The following MYH14 variants were observed in gnomAD, a reference collection of about 807,000 sequenced individuals.
The protein encoded by MYH14 is myosin heavy chain 14.
In MYH14, 123 loss-of-function variants were observed where a neutral mutation model predicts 255.5. The ratio of observed to expected loss-of-function variants is 0.48; its 90% CI spans 0.42 to 0.56. The LOEUF is 0.56. Ranked by LOEUF, MYH14 falls within the 20% of genes least tolerant of loss-of-function variation. MYH14 has a pLI of 0.00. For synonymous variants in MYH14, 1,095 were observed against 1,161.2 expected (o/e 0.94, Z 1.16); for missense variants, 2,423 against 2,802.3 (o/e 0.86, Z 3.06).
Position 50,210,757 on chromosome 19 carries a change from C to G in MYH14, c.392C>G (p.Ser131Cys). 3.2e-6 allele frequency: 5 copies of G among 1,574,536 alleles called. No homozygotes were observed. The highest frequency in any genetic ancestry group is 1.2e-5 in the South Asian group (1 of 85,562). ...VLHNLRERYYSGLIYTYSGLF... is the reference protein window; with the variant it reads ...VLHNLRERYYCGLIYTYSGLF... ...CACAACCTCCGGGAGCGGTACTACT[C>G]CGGCCTCATCTACGTGAGTGGGCTC... The change falls in exon 2 of 43, where the codon TCC becomes TGC. Residue 131 changes from serine to cysteine, a missense_variant. Physicochemically the swap from Ser to Cys is moderately radical, Grantham distance 112. Transcript: ENST00000642316.
Position 50,273,136 on chromosome 19 carries a change from C to CG in MYH14, c.3467+405_3467+406insG, listed in dbSNP as rs991644445. 3.5e-4 allele frequency among the ~76,000 whole-genome samples: 53 copies of CG among 151,926 alleles called. 1 individual carries two copies. The highest frequency in any genetic ancestry group is 1.8e-3 in the Admixed American group (27 of 15,266). ...CAAAACCCTGTCTCTACTAAAAATACAAAAGTTAGCTGGGTGTGGTGGCGG... is the reference window on the plus strand; with the variant it reads ...CAAAACCCTGTCTCTACTAAAAATACGAAAAGTTAGCTGGGTGTGGTGGCGG... On this transcript the variant is annotated intron_variant, in intron 27 of 42. Coordinates refer to ENST00000642316, the MANE Select transcript of MYH14 (RefSeq NM_001145809.2).
intron 3 of MYH14, among the ~76,000 whole-genome samples, chr19:50,220,368 T>C (rs374013991): frequency 1.1e-4 from 5 of 45,176 alleles, no homozygotes; most frequent in Non-Finnish European, 3.8e-4. Flanking sequence ...TATTATACTT[T>C]ATTTTTATTA....
At chr19:50,203,977 C>T (rs16987402) in intron 1 of MYH14, among the ~76,000 whole-genome samples, 15,800 of 152,124 alleles carry the variant, frequency 0.1, 865 homozygotes, top group Non-Finnish European at 0.12. Flanking sequence ...GAACCTCGGC[C>T]GCTTTAATAC....
Position 50,272,693 on chromosome 19 carries a change from G to A in MYH14, c.3429G>A (p.Leu1143=). The A allele has an allele frequency of 6.4e-7, 1 of 1,552,252 alleles. No individual in the cohort carries two copies. ...QQRAEELRAQ[L]GRKEEELQAA... is the part of the protein sequence containing the mutation. ...GGGCAGAGGAGCTGCGGGCCCAGCT[G>A]GGCCGGAAGGAGGAGGAGCTGCAGG... Residue 1143 remains leucine (L), a synonymous_variant, in exon 27 of 43, where the codon CTG becomes CTA. Coordinates refer to ENST00000642316, the MANE Select transcript of MYH14 (RefSeq NM_001145809.2).
In MYH14 at chr19:50,291,519, G is replaced by A. The variant is rs574784150; in HGVS notation, c.5127+471G>A. Among the ~76,000 whole-genome samples the A allele has an allele frequency of 1.2e-3, 188 of 152,150 alleles. 2 individuals carry two copies. The highest frequency in any genetic ancestry group is 4.4e-3 in the African/African-American group (183 of 41,522). On this transcript the variant is annotated intron_variant, in intron 36 of 42. Transcript: ENST00000642316. ...TGGCCAGGCTGGTCTCGATCTCTTG[G>A]CCTCAAGTGATCCACCCGCCCCCAT... is the stretch of plus-strand genomic sequence containing the variant.
chr19:50,304,372 T>C (rs2036588130), intron 40 of MYH14, among the ~76,000 whole-genome samples: 1 of 152,154 alleles, frequency 6.6e-6, no homozygotes, highest in African/African-American at 2.4e-5. Context: ...GGCAGATCAC[T>C]TGAGATCAGG....
At position 50,221,198 on chromosome 19, in the gene MYH14, C is replaced by G. The variant is rs1235274405; in HGVS notation, c.563-1885C>G. On this transcript the variant is annotated intron_variant, in intron 3 of 42. Coordinates refer to ENST00000642316, the MANE Select transcript of MYH14 (RefSeq NM_001145809.2). This position sits in a 1 kb window ranked among gnomAD's most constrained non-coding sequence, Gnocchi z 5.3. ...CTGTGCTGAGTGCATTTTGAGCATTCTGAGTTCTGACTACAGCCCTGGGAG... is the reference window on the plus strand; with the variant it reads ...CTGTGCTGAGTGCATTTTGAGCATTGTGAGTTCTGACTACAGCCCTGGGAG... Among the ~76,000 whole-genome samples, 3 of 152,108 alleles carry G rather than the reference C, an allele frequency of 2.0e-5. No individual in the cohort carries two copies. The highest frequency in any genetic ancestry group is 4.4e-5 in the Non-Finnish European group (3 of 68,018).
rs771031207 is a variant in MYH14, at chr19:50,244,310, G to C, written c.1183G>C (p.Asp395His). ...TGCCTTGAAGAGAGAACGGAACACC[G>C]ATCAAGCCACCATGCCTGACAACAC... ...NIALKRERNT[D>H]QATMPDNTAA... is the part of the protein sequence containing the mutation. Residue 395 changes from aspartate to histidine, a missense_variant, in exon 11 of 43, where the codon GAT (aspartate) becomes CAT (histidine). By Grantham distance (81) the Asp-to-His change is moderately conservative. This residue lies in a region of MYH14 where 672 missense variants were observed against 881.8 expected (regional missense o/e 0.76). Coordinates refer to ENST00000642316, the MANE Select transcript of MYH14 (RefSeq NM_001145809.2). 2 of 1,613,590 alleles carry C rather than the reference G, an allele frequency of 1.2e-6. No homozygotes were observed. The highest frequency in any genetic ancestry group is 1.7e-6 in the Non-Finnish European group (2 of 1,179,836).
chr19:50,249,773 C>G lies in MYH14; in HGVS notation c.1606C>G (p.Leu536Val), dbSNP rs2034291940. ...GCGTGAGGGCATCCCCTGGACCTTC[C>G]TCGACTTTGGCCTCGACCTGCAGCC... is the stretch of plus-strand genomic sequence containing the variant. ...YQREGIPWTF[L>V]DFGLDLQPCI... The change falls in exon 14 of 43, where the codon CTC becomes GTC. Residue 536 changes from leucine to valine, a missense_variant. Physicochemically the swap from Leu to Val is conservative, Grantham distance 32. Around this residue, in one of 3 missense-constraint regions of MYH14, gnomAD observed 672 missense variants for 881.8 expected, o/e 0.76. Transcript: ENST00000642316. 1 of 1,614,238 alleles carries G rather than the reference C, an allele frequency of 6.2e-7. No homozygotes were observed. Among genetic ancestry groups the G allele is most frequent in the Non-Finnish European group, 8.5e-7 (1 of 1,180,046 alleles).
In MYH14 at chr19:50,280,414, G is replaced by A. The variant is rs1190038211; in HGVS notation, c.4290+31G>A. The A allele has an allele frequency of 4.7e-6, 7 of 1,493,416 alleles. No individual in the cohort carries two copies. The highest frequency in any genetic ancestry group is 6.3e-6 in the Non-Finnish European group (7 of 1,115,616). The allele number at this position is 1,493,416 out of a possible 1,614,324, so 92.5% of individuals were successfully genotyped here. ...CAGCCCTACGTAAGACCTTCAGGGA[G>A]GCACAGCCCCCCTCACTGCTCCTCC... On this transcript the variant is annotated intron_variant, in intron 32 of 42. Coordinates refer to ENST00000642316, the MANE Select transcript of MYH14 (RefSeq NM_001145809.2). This position sits in a 1 kb window ranked among gnomAD's most constrained non-coding sequence, Gnocchi z 4.8.
intron 13 of MYH14, 174 bp from the exon 14 acceptor site, chr19:50,249,476 C>G (rs1005127666): frequency 1.4e-6 from 1 of 731,450 alleles, no homozygotes; most frequent in Admixed American, 2.5e-5. Flanking sequence ...GTCTCTGGCT[C>G]TGTCCCCTGT....
At chr19:50,290,367 G>T (rs2036031068) in intron 35 of MYH14, among the ~76,000 whole-genome samples, 4 of 152,148 alleles carry the variant, frequency 2.6e-5, no homozygotes, top group Non-Finnish European at 5.9e-5. Context: ...TTCAGTCCAG[G>T]AACTTCCCAT....
chr19:50,274,337 C>T (rs1486029574), intron 27 of MYH14, among the ~76,000 whole-genome samples: 2 of 152,170 alleles, frequency 1.3e-5, no homozygotes, highest in African/African-American at 4.8e-5. Context: ...CCCTGTCGCC[C>T]AGGCTGGAGT....
rs1313862026 is a variant in MYH14 at position 50,240,169 on chromosome 19, G to A, written c.1115-4073G>A. Among the ~76,000 whole-genome samples, 5 of 152,236 alleles carry A rather than the reference G, an allele frequency of 3.3e-5. No individual in the cohort carries two copies. In the East Asian group the frequency reaches 9.6e-4, roughly 29 times the overall value. On this transcript the variant is annotated intron_variant, in intron 10 of 42. Transcript: ENST00000642316. ...TTCATCCATGTCCAGTGAGGGAAGG[G>A]GGCTTTGGAGAGGCCAGTTCCACAG...
At chr19:50,292,198 G>A (rs2036098879) in intron 36 of MYH14, 63 bp from the exon 37 acceptor site, 2 of 1,490,944 alleles carry the variant, frequency 1.3e-6, no homozygotes, top group Non-Finnish European at 1.8e-6. Context: ...TGGCAAGGGG[G>A]TGGAGGAGTT....
intron 10 of MYH14, among the ~76,000 whole-genome samples, chr19:50,241,438 G>GA (rs200081076): frequency 0.011 from 1,558 of 146,046 alleles, 22 homozygotes; most frequent in African/African-American, 0.032. Flanking sequence ...TATCTCAAAA[G>GA]AAAAAAAAAA....
At chr19:50,292,159 T>A (rs1040694612) in intron 36 of MYH14, 102 bp from the exon 37 acceptor site, 1 of 1,252,492 alleles carries the variant, frequency 8.0e-7, no homozygotes, top group Non-Finnish European at 1.1e-6. Context: ...TCCCTGCTTG[T>A]TCACGGGAGC....
chr19:50,211,312 T>A (rs1301336585), intron 2 of MYH14, among the ~76,000 whole-genome samples: 1 of 152,026 alleles, frequency 6.6e-6, no homozygotes, highest in Non-Finnish European at 1.5e-5. Flanking sequence ...CCAGCCTGGG[T>A]GACAGCACAA....
intron 11 of MYH14, among the ~76,000 whole-genome samples, chr19:50,245,527 A>G (rs2034078958): frequency 6.6e-6 from 1 of 152,034 alleles, no homozygotes; most frequent in South Asian, 2.1e-4. Context: ...TGCTGCTCAC[A>G]TTTTGGGATG....
Sources: gnomAD v4.1 joint callset for allele counts (sites outside exome capture counted in the v4.1 genomes callset) on GRCh38, gnomAD v4.1.1 for gene constraint, gnomAD v4.1.1 regional missense constraint, Gnocchi (gnomAD v3.1) non-coding constraint, MANE v1.5 for transcripts, NCBI Gene and HGNC (gene_info 2026-07-23, HGNC 2026-07-21) for gene names.